Variants in ADAM2 observed in about 807,000 individuals in gnomAD.
ADAM2 encodes ADAM metallopeptidase domain 2.
A neutral mutation model predicts 99.3 loss-of-function variants in ADAM2; 101 were observed. The observed-to-expected ratio is 1.02, with a 90% confidence interval of 0.87 to 1.20. The LOEUF is 1.20. Ranked by LOEUF, ADAM2 falls within the 50% of genes most tolerant of loss-of-function variation. The pLI, the probability that ADAM2 is intolerant of heterozygous loss-of-function variation, is 0.00. For missense variants in ADAM2, 948 were observed against 878.7 expected (o/e 1.08, Z -1.00); for synonymous variants, 323 against 287.6 (o/e 1.12, Z -1.25).
At position 39,797,982 on chromosome 8, in the gene ADAM2, G is replaced by A. The variant is rs1804040224; in HGVS notation, c.571-9242C>T. On this transcript the variant is annotated intron_variant, in intron 7 of 20. Transcript: ENST00000265708. Reference sequence around the variant, plus strand: ...TTTCTAAATATAAAATTATTCATCTGCAAACAGACAACTTCACTTACTCTC... The same window carrying A: ...TTTCTAAATATAAAATTATTCATCTACAAACAGACAACTTCACTTACTCTC... Among the ~76,000 whole-genome samples, 3 of 152,174 alleles carry A rather than the reference G, an allele frequency of 2.0e-5. No individual in the cohort carries two copies. The South Asian group carries it at 6.2e-4, about 31-fold the overall frequency.
At position 39,837,162 on chromosome 8, in the gene ADAM2, T is replaced by C; in HGVS notation, c.106A>G (p.Ile36Val). Residue 36 changes from isoleucine (I) to valine (V), a missense_variant, in exon 2 of 21, where the codon ATA becomes GTA. By Grantham distance (29) the Ile-to-Val change is conservative (BLOSUM62 3). Coordinates refer to ENST00000265708, the MANE Select transcript of ADAM2 (RefSeq NM_001464.5). ...QITVPEKIRS[I>V]IKEGIESQAS... ...TGCGATTCAATTCCTTCCTTTATTA[T>C]TGACCGTATTTTCTCCGGAACTGTA... The C allele has an allele frequency of 7.5e-6, 12 of 1,608,424 alleles. No homozygotes were observed. Among genetic ancestry groups the C allele is most frequent in the Non-Finnish European group, 1.0e-5 (12 of 1,176,172 alleles).
chr8:39,762,005 A>G (rs990201133), intron 14 of ADAM2, among the ~76,000 whole-genome samples: 9 of 152,132 alleles, frequency 5.9e-5, no homozygotes, highest in African/African-American at 2.2e-4. Context: ...AATGGCGTGA[A>G]CCCTGGAGGC....
At chr8:39,760,621 T>C (rs886979395) in intron 15 of ADAM2, among the ~76,000 whole-genome samples, 3 of 151,726 alleles carry the variant, frequency 2.0e-5, no homozygotes, top group African/African-American at 7.3e-5. Context: ...CTCGGGAGGC[T>C]GAGGCAGGAG....
At chr8:39,769,089 C>T (rs1175319665) in intron 12 of ADAM2, among the ~76,000 whole-genome samples, 2 of 152,162 alleles carry the variant, frequency 1.3e-5, no homozygotes, top group African/African-American at 4.8e-5. Flanking sequence ...TATACTCAAT[C>T]ATCAAGTTGT....
At chr8:39,792,135 G>T (rs558129804) in intron 7 of ADAM2, among the ~76,000 whole-genome samples, 2 of 151,472 alleles carry the variant, frequency 1.3e-5, no homozygotes, top group South Asian at 2.1e-4. Flanking sequence ...ACAAGAATGG[G>T]ATCTTTACAT....
chr8:39,795,868 AT>A, intron 7 of ADAM2, among the ~76,000 whole-genome samples: 1 of 152,126 alleles, frequency 6.6e-6, no homozygotes, highest in Non-Finnish European at 1.5e-5. Flanking sequence ...GACATGAAAA[AT>A]TGTACCATAA....
intron 10 of ADAM2, among the ~76,000 whole-genome samples, chr8:39,779,704 A>G (rs573241343): frequency 2.8e-4 from 43 of 152,304 alleles, no homozygotes; most frequent in Non-Finnish European, 5.0e-4. Context: ...TTTTCAAATA[A>G]TAACAGCAAC....
intron 11 of ADAM2, among the ~76,000 whole-genome samples, chr8:39,770,717 C>T (rs1392014984): frequency 6.6e-6 from 1 of 152,092 alleles, no homozygotes; most frequent in African/African-American, 2.4e-5. Flanking sequence ...GTTTGTACTC[C>T]TAATATTTTC....
At chr8:39,826,746 A>G (rs992402319) in intron 3 of ADAM2, among the ~76,000 whole-genome samples, 1 of 151,982 alleles carries the variant, frequency 6.6e-6, no homozygotes, top group Non-Finnish European at 1.5e-5. Flanking sequence ...AAAAAAACTC[A>G]AAATGGATTA....
intron 18 of ADAM2, among the ~76,000 whole-genome samples, chr8:39,748,030 T>C (rs1004482686): frequency 5.9e-5 from 9 of 152,188 alleles, no homozygotes; most frequent in African/African-American, 2.4e-5. Flanking sequence ...CAAGGCTTAG[T>C]AACTTAAAAC....
At chr8:39,826,516 G>A (rs924913319) in intron 3 of ADAM2, among the ~76,000 whole-genome samples, 6 of 152,072 alleles carry the variant, frequency 3.9e-5, no homozygotes, top group Non-Finnish European at 7.4e-5. Flanking sequence ...GAGGTCGGGA[G>A]ATTGAGACCA....
intron 6 of ADAM2, among the ~76,000 whole-genome samples, chr8:39,817,069 G>T (rs1379928740): frequency 6.6e-6 from 1 of 151,246 alleles, no homozygotes; most frequent in Non-Finnish European, 1.5e-5. Flanking sequence ...GCTCATTAGA[G>T]GAGAAAAATA....
In ADAM2 at chr8:39,814,902, G is replaced by C. The variant is rs142992160; in HGVS notation, c.514-5436C>G. Among the ~76,000 whole-genome samples, 4 of 151,298 alleles carry C rather than the reference G, an allele frequency of 2.6e-5. No homozygotes were observed. The South Asian group carries it at 8.3e-4, about 31-fold the overall frequency. Reference sequence around the variant, plus strand: ...AAGCTCAAACATGAGATATAACAGAGCAAATATCAATATTTAAAATGTGAA... The same window carrying C: ...AAGCTCAAACATGAGATATAACAGACCAAATATCAATATTTAAAATGTGAA... On this transcript the variant is annotated intron_variant, in intron 6 of 20. Coordinates refer to ENST00000265708, the MANE Select transcript of ADAM2 (RefSeq NM_001464.5).
intron 7 of ADAM2, among the ~76,000 whole-genome samples, chr8:39,800,594 C>T (rs996350276): frequency 6.6e-6 from 1 of 152,152 alleles, no homozygotes; most frequent in Admixed American, 6.5e-5. Context: ...TAAGGAAGTT[C>T]TCCTGGATAA....
In ADAM2 at chr8:39,788,220, A is replaced by G; in HGVS notation, c.674T>C (p.Leu225Pro). Residue 225 changes from leucine to proline, a missense_variant, in exon 9 of 21, where the codon CTG becomes CCG. By Grantham distance (98) the Leu-to-Pro change is moderately conservative. Coordinates refer to ENST00000265708, the MANE Select transcript of ADAM2 (RefSeq NM_001464.5). ...IFVSFNITII[L>P]SSLELWIDEN... ...ATCTATCCAAAGCTCCAATGAAGAC[A>G]GAATAATTGTAATATTAAATGAAAC... The G allele has an allele frequency of 6.5e-7, 1 of 1,547,292 alleles. No homozygotes were observed. The highest frequency in any genetic ancestry group is 8.7e-7 in the Non-Finnish European group (1 of 1,142,898).
chr8:39,796,827 C>T (rs918677183), intron 7 of ADAM2, among the ~76,000 whole-genome samples: 3 of 152,082 alleles, frequency 2.0e-5, no homozygotes, highest in African/African-American at 4.8e-5. Flanking sequence ...TGTTCATTGG[C>T]CAGATAAATG....
chr8:39,769,251 T>C, intron 12 of ADAM2, 141 bp downstream of exon 12: 1 of 620,004 alleles, frequency 1.6e-6, no homozygotes, highest in Non-Finnish European at 2.8e-6. Flanking sequence ...ACTCATTAGT[T>C]GTTATAATAC....
rs371003427 is a variant in ADAM2, at chr8:39,746,980, C to T, written c.2015-349G>A. On this transcript the variant is annotated intron_variant, in intron 18 of 20. Coordinates refer to ENST00000265708, the MANE Select transcript of ADAM2 (RefSeq NM_001464.5). ...ATACAATGAGTTGACAGGAACTTCC[C>T]CACCACTGTTTTCTGAAAATAATAT... is the stretch of plus-strand genomic sequence containing the variant. 1.1e-4 allele frequency among the ~76,000 whole-genome samples: 16 copies of T among 152,200 alleles called. No individual in the cohort carries two copies. In the East Asian group the frequency reaches 1.9e-3, roughly 18 times the overall value.
At chr8:39,813,627 G>A (rs1313337421) in intron 6 of ADAM2, among the ~76,000 whole-genome samples, 6 of 152,190 alleles carry the variant, frequency 3.9e-5, no homozygotes, top group Non-Finnish European at 8.8e-5. Flanking sequence ...GTAGGGACAT[G>A]GATGAAGCTG....
Sources: gnomAD v4.1 joint callset for allele counts (sites outside exome capture counted in the v4.1 genomes callset) on GRCh38, gnomAD v4.1.1 for gene constraint, MANE v1.5 for transcripts, NCBI Gene and HGNC (gene_info 2026-07-23, HGNC 2026-07-21) for gene names.